The following AOPEP variants were observed in gnomAD, a reference collection of about 807,000 sequenced individuals.
The protein encoded by AOPEP is aminopeptidase O (putative).
Under a neutral mutation model 98.1 loss-of-function variants are expected in AOPEP, and 77 were observed. The observed-to-expected ratio is 0.78, with a 90% CI of 0.65 to 0.95. The LOEUF is 0.95. AOPEP is among the 40% of genes least tolerant of loss of function. The probability of loss-of-function intolerance (pLI) is 0.00; values close to 1 mark genes in which losing one functional copy is unlikely to be tolerated. For missense variants in AOPEP, 1,024 were observed against 1,024.7 expected (o/e 1.00, Z 0.01); for synonymous variants, 346 against 365.3 (o/e 0.95, Z 0.60).
chr9:95,068,411 T>C (rs1249907878), intron 14 of AOPEP, among the ~76,000 whole-genome samples: 3 of 152,242 alleles, frequency 2.0e-5, no homozygotes, highest in Admixed American at 2.0e-4. Flanking sequence ...TTTTCACGTA[T>C]TGACTAATGG....
intron 5 of AOPEP, among the ~76,000 whole-genome samples, chr9:94,905,234 CT>C (rs5899236): frequency 6.6e-6 from 1 of 152,128 alleles, no homozygotes; most frequent in Non-Finnish European, 1.5e-5. Context: ...TCTTCTCATC[CT>C]TTTTTTCCTG....
intron 7 of AOPEP, among the ~76,000 whole-genome samples, chr9:94,939,463 A>G (rs1258955209): frequency 6.6e-6 from 1 of 152,084 alleles, no homozygotes; most frequent in Non-Finnish European, 1.5e-5. Flanking sequence ...GAGGATATGG[A>G]TTGAGCTTCA....
chr9:94,855,986 T>C (rs1360141457), intron 5 of AOPEP, among the ~76,000 whole-genome samples: 1 of 152,304 alleles, frequency 6.6e-6, no homozygotes, highest in African/African-American at 2.4e-5. Context: ...ATGGGACTTA[T>C]ACGTAGGTTT....
chr9:94,974,111 C>T (rs1210143944), intron 10 of AOPEP, among the ~76,000 whole-genome samples: 2 of 152,204 alleles, frequency 1.3e-5, no homozygotes, highest in African/African-American at 4.8e-5. Context: ...GTTCTTTCTG[C>T]AACATATTAG....
chr9:94,779,361 C>G (rs935030369), intron 3 of AOPEP, among the ~76,000 whole-genome samples: 7 of 152,236 alleles, frequency 4.6e-5, no homozygotes, highest in African/African-American at 1.7e-4. Flanking sequence ...CCACCCTCAC[C>G]TCACCAAGCC....
intron 11 of AOPEP, among the ~76,000 whole-genome samples, chr9:95,001,778 A>G (rs563101638): frequency 6.6e-6 from 1 of 152,132 alleles, no homozygotes; most frequent in African/African-American, 2.4e-5. Context: ...ATCGTTATTT[A>G]CTTATTAATA....
chr9:95,090,502 G>A (rs1042541102), downstream of AOPEP, among the ~76,000 whole-genome samples: 2 of 152,166 alleles, frequency 1.3e-5, no homozygotes, highest in African/African-American at 4.8e-5. Context: ...TGCGGGAGGG[G>A]AGGTAGCCAG....
the AOPEP span, among the ~76,000 whole-genome samples, chr9:95,130,436 AG>A: frequency 3.3e-5 from 5 of 152,344 alleles, no homozygotes; most frequent in African/African-American, 9.6e-5. Flanking sequence ...AAGGCAGTGA[AG>A]GAACAGAAAA....
At chr9:94,992,980 ATTTCT>A (rs2060992468) in intron 11 of AOPEP, among the ~76,000 whole-genome samples, 2 of 152,116 alleles carry the variant, frequency 1.3e-5, no homozygotes, top group African/African-American at 4.8e-5. Context: ...CTGTTTCTTC[ATTTCT>A]TTTCTTTTCC....
At chr9:95,124,449 C>G in the AOPEP span, among the ~76,000 whole-genome samples, 11 of 152,192 alleles carry the variant, frequency 7.2e-5, no homozygotes, top group African/African-American at 2.7e-4. Flanking sequence ...TGTTGCCCAG[C>G]CTCTGCTGCT....
chr9:94,747,535 A>G lies in AOPEP; in HGVS notation c.-135-12114A>G, dbSNP rs534529762. 2.6e-5 allele frequency among the ~76,000 whole-genome samples: 4 copies of G among 152,352 alleles called. 1 individual carries two copies. Among genetic ancestry groups the G allele is most frequent in the South Asian group, 2.1e-4 (1 of 4,832 alleles). On this transcript the variant is annotated intron_variant, in intron 1 of 16. Transcript: ENST00000375315. The stretch of plus-strand genomic sequence containing the variant: ...TTTACTTCGAGTAAAAGAAAAATAA[A>G]TAGGCATGAACAAAGGGGAAAAGCT...
At chr9:94,823,264 G>A (rs1853678762) in intron 5 of AOPEP, among the ~76,000 whole-genome samples, 1 of 152,300 alleles carries the variant, frequency 6.6e-6, no homozygotes, top group South Asian at 2.1e-4. Flanking sequence ...CCAAAGTGCT[G>A]GGATTACAGG....
intron 5 of AOPEP, among the ~76,000 whole-genome samples, chr9:94,831,436 A>G (rs1344188021): frequency 6.6e-6 from 1 of 152,190 alleles, no homozygotes; most frequent in Non-Finnish European, 1.5e-5. Flanking sequence ...TACAAGTACC[A>G]TGCTGTTTTG....
intron 3 of AOPEP, among the ~76,000 whole-genome samples, chr9:94,781,825 G>A (rs1843325546): frequency 6.6e-6 from 1 of 151,194 alleles, no homozygotes; most frequent in South Asian, 2.1e-4. Flanking sequence ...CTCCCAAAGT[G>A]CTGGGATTAT....
the AOPEP span, among the ~76,000 whole-genome samples, chr9:95,137,347 C>A: frequency 6.6e-6 from 1 of 152,108 alleles, no homozygotes; most frequent in African/African-American, 2.4e-5. Flanking sequence ...CCCGGGGAGA[C>A]TGCGGAGGAG....
intron 2 of AOPEP, among the ~76,000 whole-genome samples, chr9:94,770,910 T>C (rs906308756): frequency 2.0e-5 from 3 of 152,176 alleles, no homozygotes; most frequent in African/African-American, 4.8e-5. Context: ...GTTGTAAATA[T>C]TGGAGGCCAG....
chr9:95,024,255 T>C (rs557296123), intron 13 of AOPEP, among the ~76,000 whole-genome samples: 1 of 152,334 alleles, frequency 6.6e-6, no homozygotes, highest in East Asian at 1.9e-4. Flanking sequence ...AGAGAGAACG[T>C]AGGATAGGAA....
At chr9:94,929,318 TA>T (rs1470522578) in intron 7 of AOPEP, among the ~76,000 whole-genome samples, 1 of 152,250 alleles carries the variant, frequency 6.6e-6, no homozygotes, top group East Asian at 1.9e-4. Flanking sequence ...AAGGCCCATC[TA>T]CTTTCCCAGG....
At chr9:95,070,407 A>AT (rs558115206) in intron 14 of AOPEP, among the ~76,000 whole-genome samples, 22 of 151,288 alleles carry the variant, frequency 1.5e-4, no homozygotes, top group Middle Eastern at 3.4e-3. Flanking sequence ...CCCTGGACAG[A>AT]TTTTTTTTTT....
Sources: gnomAD v4.1 joint callset for allele counts (sites outside exome capture counted in the v4.1 genomes callset) on GRCh38, gnomAD v4.1.1 for gene constraint, MANE v1.5 for transcripts, NCBI Gene and HGNC (gene_info 2026-07-23, HGNC 2026-07-21) for gene names.